ARHGAP42: variants seen among roughly 807,000 people sequenced by gnomAD.
The protein encoded by ARHGAP42 is rho GTPase-activating protein 42.
A neutral mutation model predicts 125.0 loss-of-function variants in ARHGAP42; 63 were observed. The ratio of observed to expected loss-of-function variants is 0.50; its 90% confidence interval spans 0.41 to 0.62. The LOEUF is 0.62. Among genes scored for constraint, ARHGAP42 ranks in the 20% least tolerant of loss-of-function variants. The probability of loss-of-function intolerance (pLI) is 0.00; values close to 1 mark genes in which losing one functional copy is unlikely to be tolerated. For missense variants in ARHGAP42, 766 were observed against 1,024.2 expected, an observed-to-expected ratio of 0.75 and a Z score of 3.44; for synonymous variants, 339 against 351.0, an observed-to-expected ratio of 0.97 and a Z score of 0.38.
intron 1 of ARHGAP42, among the ~76,000 whole-genome samples, chr11:100,753,324 C>A (rs1862502072): frequency 6.6e-6 from 1 of 152,202 alleles, no homozygotes. Context: ...CTGCAGTGTT[C>A]ACTAGCAGCA....
rs139656861 is a variant in ARHGAP42, at chr11:100,955,514, A to G, written c.1163-4369A>G. ...ATCAACTCTAACCCTAATAGAAACCATCAGAGAAGGTACTTGAGCAATCCT... is the reference window on the plus strand; with the variant it reads ...ATCAACTCTAACCCTAATAGAAACCGTCAGAGAAGGTACTTGAGCAATCCT... On this transcript the variant is annotated intron_variant, in intron 12 of 23. Coordinates refer to ENST00000298815, the MANE Select transcript of ARHGAP42 (RefSeq NM_152432.4). Among the ~76,000 whole-genome samples the G allele has an allele frequency of 3.9e-3, 598 of 152,262 alleles. 4 individuals are homozygous for G. Among genetic ancestry groups the G allele is most frequent in the African/African-American group, 0.014 (572 of 41,566 alleles).
Position 100,867,243 on chromosome 11 carries a change from G to A in ARHGAP42, c.384+7618G>A, listed in dbSNP as rs193225721. Among the ~76,000 whole-genome samples, 451 of 152,282 alleles carry A rather than the reference G, an allele frequency of 3.0e-3. 4 individuals are homozygous for A. Among genetic ancestry groups the A allele is most frequent in the African/African-American group, 0.01 (431 of 41,556 alleles). On this transcript the variant is annotated intron_variant, in intron 4 of 23. Coordinates refer to ENST00000298815, the MANE Select transcript of ARHGAP42 (RefSeq NM_152432.4). ...CAAGAGACTCAACCTGTCCTTTGACGCTTTGAAGCCAAACATTGACTTCTC... is the reference window on the plus strand; with the variant it reads ...CAAGAGACTCAACCTGTCCTTTGACACTTTGAAGCCAAACATTGACTTCTC...
intron 1 of ARHGAP42, among the ~76,000 whole-genome samples, chr11:100,748,671 G>C (rs1862364183): frequency 7.1e-6 from 1 of 141,784 alleles, no homozygotes. Flanking sequence ...TAGCAAAGCA[G>C]TTGCTGCTAA....
intron 6 of ARHGAP42, among the ~76,000 whole-genome samples, chr11:100,924,488 G>A (rs1223860445): frequency 6.6e-6 from 1 of 151,850 alleles, no homozygotes; most frequent in African/African-American, 2.4e-5. Flanking sequence ...CCTATATGGT[G>A]AAACCCCGTC....
intron 3 of ARHGAP42, among the ~76,000 whole-genome samples, chr11:100,797,274 T>C (rs1863740242): frequency 6.6e-6 from 1 of 152,212 alleles, no homozygotes; most frequent in Non-Finnish European, 1.5e-5. Context: ...AAGGTGGCTA[T>C]ACTAAACAAC....
chr11:100,819,408 C>T (rs992197552), intron 3 of ARHGAP42, among the ~76,000 whole-genome samples: 1 of 151,956 alleles, frequency 6.6e-6, no homozygotes, highest in African/African-American at 2.4e-5. Context: ...GGGTACAGGG[C>T]TGAGGAGATG....
At position 100,715,857 on chromosome 11, in the gene ARHGAP42, G is replaced by A. The variant is rs190736526; in HGVS notation, c.154+28025G>A. Reference sequence around the variant, plus strand: ...TTTATATTCTTAGGAAGCTTACAACGAAACATAATACAGATATGTGAAAAG... The same window carrying A: ...TTTATATTCTTAGGAAGCTTACAACAAAACATAATACAGATATGTGAAAAG... On this transcript the variant is annotated intron_variant, in intron 1 of 23. Transcript: ENST00000298815. Among the ~76,000 whole-genome samples, 6 of 152,286 alleles carry A rather than the reference G, an allele frequency of 3.9e-5. No individual in the cohort carries two copies. The East Asian group carries it at 5.8e-4, about 15-fold the overall frequency.
intron 3 of ARHGAP42, among the ~76,000 whole-genome samples, chr11:100,797,134 G>A (rs944741927): frequency 6.6e-6 from 1 of 152,192 alleles, no homozygotes; most frequent in Non-Finnish European, 1.5e-5. Context: ...TTTGGAGCTA[G>A]TAGTGGTTGG....
At chr11:100,803,445 T>G (rs1863913452) in intron 3 of ARHGAP42, among the ~76,000 whole-genome samples, 1 of 152,130 alleles carries the variant, frequency 6.6e-6, no homozygotes, top group South Asian at 2.1e-4. Flanking sequence ...GCTCTGAGGT[T>G]CATCGAGTCC....
At chr11:100,845,100 C>T in intron 3 of ARHGAP42, among the ~76,000 whole-genome samples, 1 of 151,750 alleles carries the variant, frequency 6.6e-6, no homozygotes, top group South Asian at 2.1e-4. Context: ...TATACACACA[C>T]ACACATGTAT....
intron 1 of ARHGAP42, among the ~76,000 whole-genome samples, chr11:100,717,245 G>A (rs1287312758): frequency 6.6e-6 from 1 of 152,130 alleles, no homozygotes; most frequent in African/African-American, 2.4e-5. Context: ...ATATTCAAAT[G>A]TTCCAGTGGT....
intron 1 of ARHGAP42, among the ~76,000 whole-genome samples, chr11:100,697,377 T>G (rs1591112481): frequency 6.6e-6 from 1 of 151,934 alleles, no homozygotes; most frequent in Admixed American, 6.6e-5. Context: ...AGAGACGGGG[T>G]TTCACCGTGT....
chr11:100,721,981 T>C (rs4754696), intron 1 of ARHGAP42, among the ~76,000 whole-genome samples: 70,922 of 151,992 alleles, frequency 0.47, 17,359 homozygotes, highest in African/African-American at 0.63. Flanking sequence ...GGTTGCTGGA[T>C]CATATTATAA....
intron 12 of ARHGAP42, among the ~76,000 whole-genome samples, chr11:100,959,043 C>A (rs963247371): frequency 6.6e-6 from 1 of 150,710 alleles, no homozygotes; most frequent in Non-Finnish European, 1.5e-5. Context: ...TTTGAATTCT[C>A]CTCATTTATT....
At chr11:100,751,284 T>G (rs1352860679) in intron 1 of ARHGAP42, among the ~76,000 whole-genome samples, 25 of 116,670 alleles carry the variant, frequency 2.1e-4, no homozygotes, top group Non-Finnish European at 4.2e-4. Flanking sequence ...TGTGTGTTTT[T>G]TTTTTTTTTT....
intron 3 of ARHGAP42, among the ~76,000 whole-genome samples, chr11:100,831,555 G>A (rs1485533326): frequency 6.6e-6 from 1 of 152,086 alleles, no homozygotes; most frequent in Non-Finnish European, 1.5e-5. Context: ...AGCACAGATG[G>A]CCTTTGTATA....
In ARHGAP42 at chr11:100,741,175, C is replaced by A. The variant is rs923034283; in HGVS notation, c.155-29168C>A. Among the ~76,000 whole-genome samples the A allele has an allele frequency of 2.6e-5, 4 of 152,192 alleles. No individual in the cohort carries two copies. In the East Asian group the frequency reaches 7.8e-4, roughly 30 times the overall value. ...CCTCCTGAGTAGTGGGGATTACAGGCACCTGCCACCACGCCTGGCTAATTT... is the reference window on the plus strand; with the variant it reads ...CCTCCTGAGTAGTGGGGATTACAGGAACCTGCCACCACGCCTGGCTAATTT... On this transcript the variant is annotated intron_variant, in intron 1 of 23. Coordinates refer to ENST00000298815, the MANE Select transcript of ARHGAP42 (RefSeq NM_152432.4).
At chr11:100,969,218 G>A (rs571355640) in intron 17 of ARHGAP42, among the ~76,000 whole-genome samples, 4 of 151,948 alleles carry the variant, frequency 2.6e-5, no homozygotes, top group East Asian at 3.9e-4. Flanking sequence ...TTTCTATTGA[G>A]AAATAAGCTT....
intron 19 of ARHGAP42, 54 bp from the exon 20 acceptor site, chr11:100,976,003 T>C: frequency 1.4e-6 from 2 of 1,451,298 alleles, no homozygotes; most frequent in Non-Finnish European, 1.8e-6. Flanking sequence ...TTGGTGATGC[T>C]GTTATCAATA....
Sources: gnomAD v4.1 joint callset for allele counts (sites outside exome capture counted in the v4.1 genomes callset) on GRCh38, gnomAD v4.1.1 for gene constraint, MANE v1.5 for transcripts, NCBI Gene and HGNC (gene_info 2026-07-23, HGNC 2026-07-21) for gene names.